The following MAN1A1 variants were observed in gnomAD, a reference collection of about 807,000 sequenced individuals.
The protein encoded by MAN1A1 is mannosyl-oligosaccharide 1,2-alpha-mannosidase IA.
A neutral mutation model predicts 70.8 loss-of-function variants in MAN1A1; 29 were observed. The ratio of observed to expected loss-of-function variants is 0.41; its 90% CI spans 0.31 to 0.56. The LOEUF is 0.56. Ranked by LOEUF, MAN1A1 falls within the 20% of genes least tolerant of loss-of-function variation. The probability of loss-of-function intolerance (pLI) is 0.29; values close to 1 mark genes in which losing one functional copy is unlikely to be tolerated. For missense variants in MAN1A1, 747 were observed against 841.3 expected (o/e 0.89, Z 1.39); for synonymous variants, 349 against 330.1 (o/e 1.06, Z -0.62).
intron 4 of MAN1A1, among the ~76,000 whole-genome samples, chr6:119,293,259 C>T (rs1432189964): frequency 1.3e-5 from 2 of 152,070 alleles, no homozygotes; most frequent in African/African-American, 2.4e-5. Flanking sequence ...TTCAGCTAGA[C>T]ATCAATCAAC....
intron 5 of MAN1A1, among the ~76,000 whole-genome samples, chr6:119,286,176 C>G (rs927413360): frequency 7.2e-5 from 11 of 152,260 alleles, no homozygotes; most frequent in Middle Eastern, 3.4e-3. Flanking sequence ...GGAGATGACT[C>G]ACTTTCTAAT....
chr6:119,222,918 A>G (rs1046025988), intron 6 of MAN1A1, among the ~76,000 whole-genome samples: 2 of 152,000 alleles, frequency 1.3e-5, no homozygotes, highest in Non-Finnish European at 2.9e-5. Flanking sequence ...CCATTTTGTT[A>G]TTCAAAAGGG....
At position 119,180,519 on chromosome 6, in the gene MAN1A1, A is replaced by ATTTTT. The variant is rs68020138; in HGVS notation, c.1720-97_1720-93dup. ...TTAGATTGTCAAGTTCAGATAAAAC[A>ATTTTT]TTTTTTTTTTTTGAGACAGGGCCTC... On this transcript the variant is annotated intron_variant, in intron 11 of 12. Coordinates refer to ENST00000368468, the MANE Select transcript of MAN1A1 (RefSeq NM_005907.4). The ATTTTT allele has an allele frequency of 8.6e-3, 4,891 of 569,180 alleles. 6 individuals carry two copies. The highest frequency in any genetic ancestry group is 0.016 in the East Asian group (493 of 30,198). The allele number at this position is 569,180 out of a possible 1,614,324, so 35.3% of individuals were successfully genotyped here.
chr6:119,238,398 C>G (rs1333657047), intron 6 of MAN1A1, among the ~76,000 whole-genome samples: 1 of 152,152 alleles, frequency 6.6e-6, no homozygotes, highest in Admixed American at 6.5e-5. Context: ...AAGAAAGAAA[C>G]ATACAAATTC....
chr6:119,349,657 G>C lies in MAN1A1; in HGVS notation c.-338C>G, dbSNP rs1773848093. Reference sequence around the variant, plus strand: ...GCTGGGCTGAGCGCGCTGTCCCACGGTCCCGCAGCCCCGGCGCGGCTCAGG... The same window carrying C: ...GCTGGGCTGAGCGCGCTGTCCCACGCTCCCGCAGCCCCGGCGCGGCTCAGG... On this transcript the variant is annotated 5_prime_UTR_variant, in exon 1 of 13. Coordinates refer to ENST00000368468, the MANE Select transcript of MAN1A1 (RefSeq NM_005907.4). 1 of 985,806 alleles carries C rather than the reference G, an allele frequency of 1.0e-6. No homozygotes were observed. The highest frequency in any genetic ancestry group is 1.7e-5 in the African/African-American group (1 of 57,258). 61.1% of individuals were successfully genotyped at this position (985,806 alleles called of 1,614,324 possible). A position where few individuals can be genotyped will look rare whatever the true frequency, so the allele number is the denominator to read the frequency against.
intron 6 of MAN1A1, 152 bp from the exon 7 acceptor site, chr6:119,205,034 G>C (rs1000244527): frequency 5.3e-6 from 4 of 759,494 alleles, no homozygotes; most frequent in Non-Finnish European, 7.9e-6. Flanking sequence ...TGTCTTCTTT[G>C]GCTACCAGTT....
rs1773847478 is a variant in MAN1A1, at chr6:119,349,646, G to T, written c.-327C>A. 1.3e-5 allele frequency: 13 copies of T among 985,794 alleles called. No individual in the cohort carries two copies. The highest frequency in any genetic ancestry group is 9.4e-5 in the South Asian group (2 of 21,302). 61.1% of individuals were successfully genotyped at this position (985,794 alleles called of 1,614,324 possible). ...CTCTTTCCTAGGCTGGGCTGAGCGC[G>T]CTGTCCCACGGTCCCGCAGCCCCGG... On this transcript the variant is annotated 5_prime_UTR_variant, in exon 1 of 13. Coordinates refer to ENST00000368468, the MANE Select transcript of MAN1A1 (RefSeq NM_005907.4).
chr6:119,316,595 A>G (rs1404695690), intron 2 of MAN1A1, among the ~76,000 whole-genome samples: 1 of 152,186 alleles, frequency 6.6e-6, no homozygotes, highest in Non-Finnish European at 1.5e-5. Context: ...TTTTTTTAAT[A>G]CTTGTAATAA....
intron 2 of MAN1A1, among the ~76,000 whole-genome samples, chr6:119,330,049 C>A (rs1773267059): frequency 6.6e-6 from 1 of 152,216 alleles, no homozygotes; most frequent in South Asian, 2.1e-4. Flanking sequence ...CCTTCTCTGT[C>A]ACCACTTACT....
intron 6 of MAN1A1, among the ~76,000 whole-genome samples, chr6:119,220,063 T>C (rs973854887): frequency 3.3e-5 from 5 of 152,142 alleles, no homozygotes; most frequent in Non-Finnish European, 7.4e-5. Flanking sequence ...TTAATAAAAG[T>C]TGTTCTCTTT....
chr6:119,249,478 C>T (rs1028060201), intron 5 of MAN1A1, among the ~76,000 whole-genome samples: 2 of 152,178 alleles, frequency 1.3e-5, no homozygotes, highest in Admixed American at 1.3e-4. Flanking sequence ...GTTCCCCTCT[C>T]CTTTAAGCCG....
chr6:119,289,121 T>C (rs750322116), intron 5 of MAN1A1, among the ~76,000 whole-genome samples: 1 of 151,844 alleles, frequency 6.6e-6, no homozygotes, highest in African/African-American at 2.4e-5. Flanking sequence ...CATATATGTA[T>C]GTAAACTTAA....
chr6:119,186,398 T>A (rs2114928766), intron 11 of MAN1A1, among the ~76,000 whole-genome samples: 1 of 152,074 alleles, frequency 6.6e-6, no homozygotes, highest in South Asian at 2.1e-4. Context: ...GGAGGTGACA[T>A]CAGGAAGTGG....
chr6:119,247,160 T>C (rs1024869617), intron 6 of MAN1A1, among the ~76,000 whole-genome samples: 1 of 152,198 alleles, frequency 6.6e-6, no homozygotes, highest in African/African-American at 2.4e-5. Context: ...CTAAAATAAA[T>C]AATTAGGAAG....
intron 5 of MAN1A1, among the ~76,000 whole-genome samples, chr6:119,287,078 G>A (rs913431415): frequency 1.3e-5 from 2 of 151,990 alleles, no homozygotes; most frequent in African/African-American, 4.8e-5. Context: ...CATTCTCCAA[G>A]ATCCCCAAAG....
chr6:119,238,398 C>A (rs1333657047), intron 6 of MAN1A1, among the ~76,000 whole-genome samples: 1 of 152,152 alleles, frequency 6.6e-6, no homozygotes, highest in African/African-American at 2.4e-5. Context: ...AAGAAAGAAA[C>A]ATACAAATTC....
intron 9 of MAN1A1, among the ~76,000 whole-genome samples, chr6:119,191,993 G>GA (rs11403247): frequency 0.71 from 108,387 of 152,012 alleles, 40,952 homozygotes; most frequent in Non-Finnish European, 0.83. Context: ...ACAGTGGATT[G>GA]AAAATTAGCT....
chr6:119,337,112 T>C (rs1465870977), intron 2 of MAN1A1, among the ~76,000 whole-genome samples: 2 of 152,164 alleles, frequency 1.3e-5, no homozygotes, highest in African/African-American at 2.4e-5. Context: ...TTGGCACCAC[T>C]TTCACCAGTT....
intron 11 of MAN1A1, among the ~76,000 whole-genome samples, chr6:119,182,426 C>T (rs116253823): frequency 0.018 from 2,781 of 151,924 alleles, 93 homozygotes; most frequent in African/African-American, 0.06. Context: ...AAATCATTGC[C>T]AAGCTCAATG....
Sources: gnomAD v4.1 joint callset for allele counts (sites outside exome capture counted in the v4.1 genomes callset) on GRCh38, gnomAD v4.1.1 for gene constraint, MANE v1.5 for transcripts, NCBI Gene and HGNC (gene_info 2026-07-23, HGNC 2026-07-21) for gene names.